FOCAD: variants seen among roughly 807,000 people sequenced by gnomAD.
The protein encoded by FOCAD is focadhesin.
Under a neutral mutation model 225.6 loss-of-function variants are expected in FOCAD, and 198 were observed. The observed-to-expected ratio is 0.88, with a 90% CI of 0.78 to 0.99. FOCAD has a LOEUF of 0.99. Ranked by LOEUF, FOCAD falls within the 50% of genes least tolerant of loss-of-function variation. The probability of loss-of-function intolerance (pLI) is 0.00; values close to 1 mark genes in which losing one functional copy is unlikely to be tolerated. For synonymous variants in FOCAD, 897 were observed against 755.0 expected, an observed-to-expected ratio of 1.19 and a Z score of -3.08; for missense variants, 2,713 against 2,123.6, an observed-to-expected ratio of 1.28 and a Z score of -5.46.
In FOCAD at chr9:20,929,616, T is replaced by G. The variant is rs1835280585; in HGVS notation, c.3317+20T>G. On this transcript the variant is annotated intron_variant, in intron 27 of 43. Transcript: ENST00000338382. ...ACTCAGGTACAGTTTATTAAAATAT[T>G]CCTGCTTTTCTTCTTTGTGATTTTT... is the stretch of plus-strand genomic sequence containing the variant. The G allele has an allele frequency of 1.2e-6, 2 of 1,600,140 alleles. No homozygotes were observed. The highest frequency in any genetic ancestry group is 1.7e-6 in the Non-Finnish European group (2 of 1,169,478).
intron 3 of FOCAD, among the ~76,000 whole-genome samples, chr9:20,719,504 CT>C (rs199996867): frequency 2.0e-3 from 295 of 148,094 alleles, no homozygotes; most frequent in African/African-American, 6.3e-3. Context: ...ATTATTTGTT[CT>C]TTTTTTTTTA....
intron 43 of FOCAD, among the ~76,000 whole-genome samples, chr9:20,994,637 C>T (rs374900887): frequency 6.6e-6 from 1 of 152,342 alleles, no homozygotes; most frequent in African/African-American, 2.4e-5. Context: ...CAGAACTTCA[C>T]TGAAAATCAG....
At chr9:20,735,806 G>A (rs1056688201) in intron 4 of FOCAD, among the ~76,000 whole-genome samples, 2 of 149,060 alleles carry the variant, frequency 1.3e-5, no homozygotes, top group South Asian at 2.1e-4. Flanking sequence ...TTACAGGCAC[G>A]AGCCACTATG....
intron 40 of FOCAD, among the ~76,000 whole-genome samples, chr9:20,986,760 C>T (rs1039126063): frequency 6.6e-6 from 1 of 152,074 alleles, no homozygotes; most frequent in Non-Finnish European, 1.5e-5. Context: ...TTCAGTTTCC[C>T]AAAACACACA....
rs544103015 is a variant in FOCAD, at chr9:20,887,454, C to T, written c.2625+2224C>T. Among the ~76,000 whole-genome samples the T allele has an allele frequency of 5.1e-4, 78 of 152,172 alleles. 2 individuals are homozygous for T. The South Asian group carries it at 0.015, about 30-fold the overall frequency. On this transcript the variant is annotated intron_variant, in intron 21 of 43. Coordinates refer to ENST00000338382, the MANE Select transcript of FOCAD (RefSeq NM_001375567.1). ...TTTACCATGTTGGCCAGGCTGATCT[C>T]GAACTCCTGACCTCAGGTGATCCAC...
rs545334429 is a variant in FOCAD at position 20,923,767 on chromosome 9, A to C, written c.2960A>C (p.Glu987Ala). Residue 987 changes from glutamate to alanine, a missense_variant and splice_region_variant, in exon 25 of 44, where the codon GAG becomes GCG. Transcript: ENST00000338382. The part of the protein sequence containing the change: ...SLSSDSDGLL[E>A]VQPNFLSMKE... ...TCCTCAGACTCTGACGGGCTCCTGG[A>C]GGTTAGTTGGGGTGATTTAAACAAT... is the stretch of plus-strand genomic sequence containing the variant. The C allele has an allele frequency of 6.2e-7, 1 of 1,610,996 alleles. No individual in the cohort carries two copies. The highest frequency in any genetic ancestry group is 1.3e-5 in the African/African-American group (1 of 74,942).
chr9:20,787,395 A>G (rs1820031797), intron 10 of FOCAD, among the ~76,000 whole-genome samples: 1 of 152,206 alleles, frequency 6.6e-6, no homozygotes, highest in South Asian at 2.1e-4. Flanking sequence ...ACAAACGAGT[A>G]AAGAGAGGCT....
chr9:20,669,454 T>G (rs1035296311), intron 2 of FOCAD, among the ~76,000 whole-genome samples: 1 of 152,166 alleles, frequency 6.6e-6, no homozygotes, highest in Non-Finnish European at 1.5e-5. Context: ...GGATATGTGT[T>G]GCTTCATAAA....
At chr9:20,723,753 A>AT (rs1183965312) in intron 4 of FOCAD, among the ~76,000 whole-genome samples, 1 of 152,224 alleles carries the variant, frequency 6.6e-6, no homozygotes, top group East Asian at 1.9e-4. Context: ...TCAGTGAAAA[A>AT]ATATATCTTG....
In FOCAD at chr9:20,986,283, T is replaced by TTTTTTTTTTTTTTTTTTTTTTTTTTGGG; in HGVS notation, c.4729-5_4729-4insTTTTTTTTTTTTTTTTTTTTTTTTTGGG. The stretch of plus-strand genomic sequence containing the variant: ...ACTAAACAATTTTTTTTTTTTTTTT[T>TTTTTTTTTTTTTTTTTTTTTTTTTTGGG]GCAGAGCAACATAGAAAAAGCTGCC... On this transcript the variant is annotated splice_polypyrimidine_tract_variant and splice_region_variant and intron_variant, in intron 39 of 43. Coordinates refer to ENST00000338382, the MANE Select transcript of FOCAD (RefSeq NM_001375567.1). 6.8e-7 allele frequency: 1 copy of TTTTTTTTTTTTTTTTTTTTTTTTTTGGG among 1,476,884 alleles called. No homozygotes were observed. The highest frequency in any genetic ancestry group is 9.0e-7 in the Non-Finnish European group (1 of 1,113,550). 91.5% of individuals were successfully genotyped at this position (1,476,884 alleles called of 1,614,324 possible).
intron 40 of FOCAD, among the ~76,000 whole-genome samples, chr9:20,987,741 C>T (rs1041347165): frequency 1.3e-5 from 2 of 152,128 alleles, no homozygotes; most frequent in African/African-American, 4.8e-5. Context: ...TGGTTCCAAC[C>T]AGAACCAGCC....
At position 20,778,770 on chromosome 9, in the gene FOCAD, TA is replaced by T; in HGVS notation, c.994+5del. ...AGCAGAAGCCAATCTTAAATCTAGG[TA>T]AATAAAAATACAGTCACTAGAGTAA... On this transcript the variant is annotated splice_donor_region_variant and intron_variant, in intron 9 of 43. Transcript: ENST00000338382. 2 of 1,559,028 alleles carry T rather than the reference TA, an allele frequency of 1.3e-6. No homozygotes were observed. Among genetic ancestry groups the T allele is most frequent in the South Asian group, 1.1e-5 (1 of 89,592 alleles).
chr9:20,755,531 T>G (rs1310622049), intron 5 of FOCAD, among the ~76,000 whole-genome samples: 1 of 151,910 alleles, frequency 6.6e-6, no homozygotes, highest in East Asian at 1.9e-4. Flanking sequence ...TTCTTAGCGG[T>G]TTTTTTTGGT....
intron 18 of FOCAD, chr9:20,873,834 A>G (rs554987809): frequency 6.6e-6 from 1 of 152,320 alleles, no homozygotes; most frequent in African/African-American, 2.4e-5. Flanking sequence ...ACTCTGGGAT[A>G]CAGGCTAATG....
At chr9:20,858,721 A>G (rs1828463559) in intron 15 of FOCAD, among the ~76,000 whole-genome samples, 1 of 151,984 alleles carries the variant, frequency 6.6e-6, no homozygotes, top group African/African-American at 2.4e-5. Flanking sequence ...TGATGTAAGC[A>G]CTTTATTGGT....
At chr9:20,912,483 C>G (rs1426796481) in intron 22 of FOCAD, among the ~76,000 whole-genome samples, 1 of 152,020 alleles carries the variant, frequency 6.6e-6, no homozygotes, top group Admixed American at 6.6e-5. Context: ...TATTATAATA[C>G]TGGTGTATGG....
intron 27 of FOCAD, among the ~76,000 whole-genome samples, chr9:20,931,382 A>G (rs980727662): frequency 6.6e-6 from 1 of 152,178 alleles, no homozygotes; most frequent in Admixed American, 6.5e-5. Flanking sequence ...TAGTAATGCC[A>G]TTACTAACAT....
chr9:20,849,283 T>A (rs190091895), intron 15 of FOCAD, among the ~76,000 whole-genome samples: 1 of 151,922 alleles, frequency 6.6e-6, no homozygotes. Context: ...CTCTTGTTTT[T>A]AAATATATTT....
intron 24 of FOCAD, among the ~76,000 whole-genome samples, chr9:20,923,167 G>A (rs965514819): frequency 1.3e-5 from 2 of 152,186 alleles, no homozygotes; most frequent in Non-Finnish European, 2.9e-5. Context: ...AAGAAAAGCT[G>A]CTGTGTGTCA....
Sources: allele counts gnomAD v4.1 joint callset (sites outside exome capture counted in the v4.1 genomes callset), GRCh38; gene constraint gnomAD v4.1.1; transcripts MANE v1.5; gene names NCBI Gene and HGNC (gene_info 2026-07-23, HGNC 2026-07-21).